ZZZ3: variants seen among roughly 807,000 people sequenced by gnomAD.
ZZZ3 encodes zinc finger ZZ-type containing 3.
ZZZ3 carries 22 observed loss-of-function variants against 95.2 expected under a neutral mutation model. The ratio of observed to expected loss-of-function variants is 0.23; its 90% CI spans 0.17 to 0.33. ZZZ3 has a LOEUF of 0.33. ZZZ3 is among the 10% of genes least tolerant of loss of function. The pLI, the probability that ZZZ3 is intolerant of heterozygous loss-of-function variation, is 1.00. For missense variants in ZZZ3, 885 were observed against 1,066.5 expected (o/e 0.83, Z 2.37); for synonymous variants, 335 against 358.9 (o/e 0.93, Z 0.75).
At chr1:77,637,129 G>A (rs562626409) in intron 4 of ZZZ3, among the ~76,000 whole-genome samples, 1 of 152,296 alleles carries the variant, frequency 6.6e-6, no homozygotes, top group Admixed American at 6.5e-5. Flanking sequence ...GAGAAGCACT[G>A]CCTTAGGCTA....
In ZZZ3 at chr1:77,565,749, T is replaced by C. The variant is rs144864059; in HGVS notation, c.2603A>G (p.Gln868Arg). 129 of 1,613,692 alleles carry C rather than the reference T, an allele frequency of 8.0e-5. No individual in the cohort carries two copies. The African/African-American group carries it at 1.7e-3, about 21-fold the overall frequency. Reference sequence around the variant, plus strand: ...CTCTGACCTATAAATAGGTTCTAATTGGTGATCTTCCTTGTGAATATCTGT... The same window carrying C: ...CTCTGACCTATAAATAGGTTCTAATCGGTGATCTTCCTTGTGAATATCTGT... ...HETDIHKEDH[Q>R]LEPIYRSETF... Residue 868 changes from glutamine to arginine, a missense_variant, in exon 15 of 15, where the codon CAA (glutamine) becomes CGA (arginine). Physicochemically the swap from Gln to Arg is conservative, Grantham distance 43. Coordinates refer to ENST00000370801, the MANE Select transcript of ZZZ3 (RefSeq NM_015534.6).
chr1:77,656,635 C>T (rs61777120), intron 1 of ZZZ3, among the ~76,000 whole-genome samples: 1,722 of 152,230 alleles, frequency 0.011, 12 homozygotes, highest in Non-Finnish European at 0.018. Flanking sequence ...AGATATGCAC[C>T]ATTGCTCTAA....
At chr1:77,647,114 G>A (rs1199959594) in intron 1 of ZZZ3, among the ~76,000 whole-genome samples, 1 of 152,092 alleles carries the variant, frequency 6.6e-6, no homozygotes, top group Non-Finnish European at 1.5e-5. Context: ...TAATGTTTGT[G>A]GTATATATAC....
At chr1:77,648,152 G>C (rs1456451863) in intron 1 of ZZZ3, among the ~76,000 whole-genome samples, 1 of 151,910 alleles carries the variant, frequency 6.6e-6, no homozygotes, top group Non-Finnish European at 1.5e-5. Flanking sequence ...GAGCCCAGGA[G>C]TTTGAGACCA....
Position 77,679,764 on chromosome 1 carries a change from T to C in ZZZ3, c.-403+2821A>G, listed in dbSNP as rs562765202. Among the ~76,000 whole-genome samples the C allele has an allele frequency of 2.0e-4, 30 of 152,296 alleles. No individual in the cohort carries two copies. The East Asian group carries it at 5.4e-3, about 27-fold the overall frequency. On this transcript the variant is annotated intron_variant, in intron 1 of 14. Coordinates refer to ENST00000370801, the MANE Select transcript of ZZZ3 (RefSeq NM_015534.6). ...CCGTAATAATTGAGAAAAGTGAAAA[T>C]TAAATTTCTTGGTTATTTAAATTTT...
At chr1:77,567,592 T>C (rs1660950568) in intron 13 of ZZZ3, among the ~76,000 whole-genome samples, 1 of 152,176 alleles carries the variant, frequency 6.6e-6, no homozygotes, top group South Asian at 2.1e-4. Flanking sequence ...CTAACTACTC[T>C]CTAGTATGTA....
At chr1:77,682,517 G>C (rs1482740852) in intron 1 of ZZZ3, 68 bp downstream of exon 1, 2 of 152,268 alleles carry the variant, frequency 1.3e-5, no homozygotes, top group East Asian at 1.9e-4. Flanking sequence ...CAAGACTATG[G>C]GAAGCTGATG....
chr1:77,593,745 A>AT (rs569456697), intron 5 of ZZZ3, among the ~76,000 whole-genome samples: 6 of 152,008 alleles, frequency 3.9e-5, no homozygotes, highest in South Asian at 2.1e-4. Flanking sequence ...ATATTGCACA[A>AT]TTTTTTTTAA....
At chr1:77,627,183 T>G (rs1667412424) in intron 5 of ZZZ3, among the ~76,000 whole-genome samples, 1 of 152,194 alleles carries the variant, frequency 6.6e-6, no homozygotes, top group Non-Finnish European at 1.5e-5. Flanking sequence ...TTGATCCTAT[T>G]TAGTAATTCA....
At chr1:77,611,437 C>T (rs1215994640) in intron 5 of ZZZ3, among the ~76,000 whole-genome samples, 1 of 151,862 alleles carries the variant, frequency 6.6e-6, no homozygotes, top group Admixed American at 6.6e-5. Context: ...AATGCAATCC[C>T]TATCAAAATT....
chr1:77,603,370 T>G (rs1664928754), intron 5 of ZZZ3, among the ~76,000 whole-genome samples: 1 of 152,184 alleles, frequency 6.6e-6, no homozygotes, highest in East Asian at 1.9e-4. Flanking sequence ...TGAGCCACCA[T>G]GCCTGGCCCC....
chr1:77,564,892 T>TA lies in ZZZ3; in HGVS notation c.*747dup, dbSNP rs1303232463. ...TTGTGAATTAGAAACTTTACACAGTTACTACCACTGGCACTTTTCACCATA... is the reference window on the plus strand; with the variant it reads ...TTGTGAATTAGAAACTTTACACAGTTAACTACCACTGGCACTTTTCACCATA... On this transcript the variant is annotated 3_prime_UTR_variant, in exon 15 of 15. Coordinates refer to ENST00000370801, the MANE Select transcript of ZZZ3 (RefSeq NM_015534.6). 6.6e-6 allele frequency: 1 copy of TA among 152,610 alleles called. No individual in the cohort carries two copies. Among genetic ancestry groups the TA allele is most frequent in the Non-Finnish European group, 1.5e-5 (1 of 68,020 alleles). 9.5% of individuals were successfully genotyped at this position (152,610 alleles called of 1,614,324 possible). A position where few individuals can be genotyped will look rare whatever the true frequency, so the allele number is the denominator to read the frequency against.
intron 12 of ZZZ3, among the ~76,000 whole-genome samples, chr1:77,571,289 T>A (rs6603955): frequency 0.71 from 107,040 of 151,714 alleles, 38,256 homozygotes; most frequent in Admixed American, 0.77. Flanking sequence ...ACTGAAAAAA[T>A]AAATAAATAA....
chr1:77,669,432 T>C (rs944289603), intron 1 of ZZZ3, among the ~76,000 whole-genome samples: 5 of 151,458 alleles, frequency 3.3e-5, no homozygotes, highest in Admixed American at 2.6e-4. Context: ...AGAGCTAGAA[T>C]ACCATTAAAC....
intron 12 of ZZZ3, 54 bp from the exon 13 acceptor site, chr1:77,568,520 A>C: frequency 1.1e-6 from 1 of 926,402 alleles, no homozygotes; most frequent in Non-Finnish European, 1.6e-6. Context: ...AAATGAATTA[A>C]GTGTAAGTAA....
At chr1:77,575,939 T>A in intron 12 of ZZZ3, 129 bp downstream of exon 12, 1 of 687,938 alleles carries the variant, frequency 1.5e-6, no homozygotes, top group Non-Finnish European at 2.2e-6. Flanking sequence ...AAAAGTACAT[T>A]ACTTAAAAAC....
intron 5 of ZZZ3, among the ~76,000 whole-genome samples, chr1:77,630,315 T>C (rs1250991722): frequency 6.6e-6 from 1 of 151,030 alleles, no homozygotes; most frequent in African/African-American, 2.4e-5. Flanking sequence ...CTCTACAAAA[T>C]ACAAAAAAAT....
At position 77,679,922 on chromosome 1, in the gene ZZZ3, A is replaced by G. The variant is rs566312960; in HGVS notation, c.-403+2663T>C. ...GGTATTTCCCAAGACCCAATACTGAAAAGTTTATAAAACAAAAGTTCTAAG... is the reference window on the plus strand; with the variant it reads ...GGTATTTCCCAAGACCCAATACTGAGAAGTTTATAAAACAAAAGTTCTAAG... On this transcript the variant is annotated intron_variant, in intron 1 of 14. Coordinates refer to ENST00000370801, the MANE Select transcript of ZZZ3 (RefSeq NM_015534.6). Among the ~76,000 whole-genome samples the G allele has an allele frequency of 7.3e-4, 111 of 152,330 alleles. 1 individual carries two copies. Among genetic ancestry groups the G allele is most frequent in the African/African-American group, 2.5e-3 (106 of 41,580 alleles).
Position 77,631,917 on chromosome 1 carries a change from C to T in ZZZ3, c.1438G>A (p.Glu480Lys). 1 of 1,613,804 alleles carries T rather than the reference C, an allele frequency of 6.2e-7. No individual in the cohort carries two copies. The highest frequency in any genetic ancestry group is 1.3e-5 in the African/African-American group (1 of 75,030). Reference sequence around the variant, plus strand: ...TAAACATCAGGATCATCATCTTCCTCTTCTGTAATGTGCTGACTGGCACTC... The same window carrying T: ...TAAACATCAGGATCATCATCTTCCTTTTCTGTAATGTGCTGACTGGCACTC... Reference protein sequence around the residue: ...KESASQHITEEEDDDPDVYYF... With the variant: ...KESASQHITEKEDDDPDVYYF... The change falls in exon 5 of 15, where the codon GAG (glutamate) becomes AAG (lysine). Residue 480 changes from glutamate to lysine, a missense_variant. This residue lies in a region of ZZZ3 where 556 missense variants were observed against 652.9 expected (regional missense o/e 0.85). Coordinates refer to ENST00000370801, the MANE Select transcript of ZZZ3 (RefSeq NM_015534.6).
Sources: gnomAD v4.1 joint callset for allele counts (sites outside exome capture counted in the v4.1 genomes callset) on GRCh38, gnomAD v4.1.1 for gene constraint, gnomAD v4.1.1 regional missense constraint, MANE v1.5 for transcripts, NCBI Gene and HGNC (gene_info 2026-07-23, HGNC 2026-07-21) for gene names.